The following B3GALT1 variants were observed in gnomAD, a reference collection of about 807,000 sequenced individuals.
B3GALT1 encodes UDP-Gal:betaGlcNAc beta 1,3-galactosyltransferase, polypeptide 1.
Under a neutral mutation model 23.2 loss-of-function variants are expected in B3GALT1, and 10 were observed. The observed-to-expected ratio is 0.43, with a 90% CI of 0.27 to 0.73. The LOEUF (loss-of-function observed/expected upper bound fraction) is 0.73. Among genes scored for constraint, B3GALT1 ranks in the 30% least tolerant of loss-of-function variants. The pLI is 0.21. For synonymous variants in B3GALT1, 156 were observed against 141.5 expected (o/e 1.10, Z -0.73); for missense variants, 299 against 405.4 (o/e 0.74, Z 2.25).
At chr2:167,737,168 C>T (rs567013059) in intron 3 of B3GALT1, among the ~76,000 whole-genome samples, 4 of 152,272 alleles carry the variant, frequency 2.6e-5, no homozygotes, top group African/African-American at 9.6e-5. Flanking sequence ...CTTACAGGAG[C>T]TTACATTCAT....
At chr2:167,636,364 C>A (rs1212221260) in intron 2 of B3GALT1, among the ~76,000 whole-genome samples, 1 of 151,010 alleles carries the variant, frequency 6.6e-6, no homozygotes, top group Non-Finnish European at 1.5e-5. Flanking sequence ...GGTAGGTACT[C>A]AGACACTTCT....
At chr2:167,844,847 G>T (rs927470015) in intron 4 of B3GALT1, among the ~76,000 whole-genome samples, 1 of 152,172 alleles carries the variant, frequency 6.6e-6, no homozygotes, top group South Asian at 2.1e-4. Flanking sequence ...GTAGCCTGGG[G>T]CAGGTTTTCA....
At chr2:167,420,249 A>G (rs543010832) in intron 1 of B3GALT1, among the ~76,000 whole-genome samples, 2 of 152,208 alleles carry the variant, frequency 1.3e-5, no homozygotes, top group Non-Finnish European at 2.9e-5. Flanking sequence ...TAACCAGAGA[A>G]ATGCTGGAAT....
intron 2 of B3GALT1, among the ~76,000 whole-genome samples, chr2:167,601,813 T>C (rs1489894825): frequency 6.6e-6 from 1 of 152,222 alleles, no homozygotes; most frequent in East Asian, 1.9e-4. Context: ...TGTATGTGAT[T>C]GTGTCAACCC....
intron 1 of B3GALT1, among the ~76,000 whole-genome samples, chr2:167,399,936 G>C (rs759840953): frequency 4.6e-5 from 7 of 152,048 alleles, no homozygotes; most frequent in Non-Finnish European, 8.8e-5. Context: ...GCCAGAATGT[G>C]TCTTTATTGT....
At position 167,560,411 on chromosome 2, in the gene B3GALT1, A is replaced by C. The variant is rs555124528; in HGVS notation, c.-410+70134A>C. ...AACTGCATCAACTAACAAGCAAAAT[A>C]ACCAGCTAACATCATAATGACAGGA... On this transcript the variant is annotated intron_variant, in intron 2 of 4. Transcript: ENST00000392690. 3.5e-4 allele frequency among the ~76,000 whole-genome samples: 53 copies of C among 152,264 alleles called. 1 individual carries two copies. In the Middle Eastern group the frequency reaches 0.01, roughly 29 times the overall value.
At chr2:167,312,033 AAAAT>A (rs1696640743) in intron 1 of B3GALT1, among the ~76,000 whole-genome samples, 1 of 151,984 alleles carries the variant, frequency 6.6e-6, no homozygotes, top group Non-Finnish European at 1.5e-5. Context: ...TCCAAAAACA[AAAAT>A]AAAAGAGAAA....
chr2:167,434,571 A>G (rs190099450), intron 1 of B3GALT1, among the ~76,000 whole-genome samples: 37 of 152,014 alleles, frequency 2.4e-4, no homozygotes, highest in African/African-American at 8.4e-4. Context: ...TACCATACGT[A>G]AAATACACTT....
chr2:167,563,974 G>T (rs1169207129), intron 2 of B3GALT1, among the ~76,000 whole-genome samples: 1 of 136,624 alleles, frequency 7.3e-6, no homozygotes, highest in Non-Finnish European at 1.6e-5. Context: ...CCTCCCTTCC[G>T]GACGGGGCAG....
intron 1 of B3GALT1, among the ~76,000 whole-genome samples, chr2:167,421,759 G>A (rs1698549259): frequency 6.6e-6 from 1 of 152,044 alleles, no homozygotes; most frequent in Non-Finnish European, 1.5e-5. Context: ...ATGATGATAT[G>A]AATGTTGGCT....
At chr2:167,842,283 C>T (rs1476576894) in intron 4 of B3GALT1, among the ~76,000 whole-genome samples, 2 of 152,182 alleles carry the variant, frequency 1.3e-5, no homozygotes, top group Non-Finnish European at 2.9e-5. Context: ...TGCTGCCTGG[C>T]CAAGTAAAAC....
intron 3 of B3GALT1, among the ~76,000 whole-genome samples, chr2:167,750,677 G>C (rs1687720759): frequency 7.1e-6 from 1 of 140,560 alleles, no homozygotes; most frequent in African/African-American, 2.7e-5. Flanking sequence ...CCTTTTCATA[G>C]ACAGATATTA....
At chr2:167,453,207 A>C (rs1285129587) in intron 1 of B3GALT1, among the ~76,000 whole-genome samples, 1 of 152,250 alleles carries the variant, frequency 6.6e-6, no homozygotes, top group African/African-American at 2.4e-5. Context: ...CACCTTCACT[A>C]TAAGATAAAT....
chr2:167,808,577 A>G (rs1299106088), intron 3 of B3GALT1, among the ~76,000 whole-genome samples: 1 of 151,980 alleles, frequency 6.6e-6, no homozygotes, highest in Non-Finnish European at 1.5e-5. Context: ...TTCTGGGTTG[A>G]AAATTCTTTT....
chr2:167,359,733 C>A (rs2105261881), intron 1 of B3GALT1, among the ~76,000 whole-genome samples: 1 of 151,546 alleles, frequency 6.6e-6, no homozygotes, highest in African/African-American at 2.4e-5. Context: ...TTCAGAAATA[C>A]AGTTTATTGG....
chr2:167,540,435 G>A (rs571269772), intron 2 of B3GALT1, among the ~76,000 whole-genome samples: 38 of 152,296 alleles, frequency 2.5e-4, no homozygotes, highest in African/African-American at 8.2e-4. Flanking sequence ...GCATATTCAT[G>A]TATGAGAGGC....
At chr2:167,445,066 C>G (rs961527423) in intron 1 of B3GALT1, among the ~76,000 whole-genome samples, 2 of 152,154 alleles carry the variant, frequency 1.3e-5, no homozygotes, top group African/African-American at 2.4e-5. Flanking sequence ...TATGTTGTGT[C>G]TTTGTTCTCA....
intron 2 of B3GALT1, among the ~76,000 whole-genome samples, chr2:167,623,106 A>C (rs888018310): frequency 6.6e-6 from 1 of 152,212 alleles, no homozygotes; most frequent in South Asian, 2.1e-4. Context: ...GATCATTGAA[A>C]AGTCAAGAAA....
intron 1 of B3GALT1, among the ~76,000 whole-genome samples, chr2:167,488,793 T>C (rs747066798): frequency 6.6e-6 from 1 of 152,188 alleles, no homozygotes; most frequent in Non-Finnish European, 1.5e-5. Context: ...TATAGCTTAT[T>C]TTTGCCTTTT....
Sources: gnomAD v4.1 joint callset for allele counts (sites outside exome capture counted in the v4.1 genomes callset) on GRCh38, gnomAD v4.1.1 for gene constraint, MANE v1.5 for transcripts, NCBI Gene and HGNC (gene_info 2026-07-23, HGNC 2026-07-21) for gene names.